Variants in VAPB observed in about 807,000 individuals in gnomAD.
The protein encoded by VAPB is VAMP associated protein B and C.
Under a neutral mutation model 25.6 loss-of-function variants are expected in VAPB, and 7 were observed. The observed-to-expected ratio is 0.27, with a 90% CI of 0.16 to 0.51. VAPB has a LOEUF of 0.51. VAPB is among the 20% of genes least tolerant of loss of function. The pLI is 0.97. For missense variants in VAPB, 266 were observed against 301.3 expected (o/e 0.88, Z 0.87); for synonymous variants, 112 against 109.2 (o/e 1.03, Z -0.16).
At chr20:58,405,576 C>A (rs1988206618) in intron 1 of VAPB, among the ~76,000 whole-genome samples, 1 of 151,374 alleles carries the variant, frequency 6.6e-6, no homozygotes, top group Admixed American at 6.6e-5. Flanking sequence ...AATTCTCTTG[C>A]CTCAGCCTCC....
chr20:58,413,718 G>T (rs1352466360), intron 1 of VAPB, among the ~76,000 whole-genome samples: 3 of 151,882 alleles, frequency 2.0e-5, no homozygotes, highest in African/African-American at 7.2e-5. Flanking sequence ...CCCAGTAGGG[G>T]CGGCCGGGCA....
Position 58,389,309 on chromosome 20 carries a change from C to CA in VAPB, c.-151_-150insA, listed in dbSNP as rs1437762501. The CA allele has an allele frequency of 2.8e-6, 2 of 716,222 alleles. No homozygotes were observed. The highest frequency in any genetic ancestry group is 4.8e-6 in the Non-Finnish European group (2 of 420,732). 44.4% of individuals were successfully genotyped at this position (716,222 alleles called of 1,614,324 possible). On this transcript the variant is annotated 5_prime_UTR_variant, in exon 1 of 6. Transcript: ENST00000475243. ...CCTGCACCGCGTAGACCGACCCCCCCCCAGCGCGCCCACCCGGTAGAGGAC... is the reference window on the plus strand; with the variant it reads ...CCTGCACCGCGTAGACCGACCCCCCCACCAGCGCGCCCACCCGGTAGAGGAC...
chr20:58,389,653 C>A, intron 1 of VAPB, 136 bp downstream of exon 1: 2 of 962,358 alleles, frequency 2.1e-6, no homozygotes, highest in Non-Finnish European at 2.8e-6. Flanking sequence ...CGAGGCCGGG[C>A]CGGGCCTTGG....
intron 2 of VAPB, among the ~76,000 whole-genome samples, chr20:58,421,282 AT>A (rs1988661458): frequency 6.6e-6 from 1 of 152,234 alleles, no homozygotes; most frequent in African/African-American, 2.4e-5. Context: ...AGAGTGGTAC[AT>A]TTGTACGTTC....
At chr20:58,438,816 A>G (rs984211968) in intron 3 of VAPB, 129 bp from the exon 4 acceptor site, 1 of 734,618 alleles carries the variant, frequency 1.4e-6, no homozygotes. Flanking sequence ...AGCAGACTTC[A>G]GTTCTTTATT....
At chr20:58,392,065 A>G (rs986535667) in intron 1 of VAPB, among the ~76,000 whole-genome samples, 16 of 152,184 alleles carry the variant, frequency 1.1e-4, no homozygotes, top group Non-Finnish European at 4.4e-5. Flanking sequence ...GGAAAGAGGC[A>G]CTCATTTGAG....
chr20:58,423,414 CA>C (rs59133081), intron 2 of VAPB, among the ~76,000 whole-genome samples: 409 of 34,606 alleles, frequency 0.012, no homozygotes, highest in East Asian at 0.017. Context: ...CTCCATCTCA[CA>C]AAAAAAAAAA....
At chr20:58,408,139 T>A (rs1281337195) in intron 1 of VAPB, among the ~76,000 whole-genome samples, 1 of 152,232 alleles carries the variant, frequency 6.6e-6, no homozygotes, top group African/African-American at 2.4e-5. Context: ...GTATAGTCTA[T>A]TTCAATCAAG....
chr20:58,444,447 T>TTTAAAA lies in VAPB; in HGVS notation c.*212_*213insTTAAAA. The TTTAAAA allele has an allele frequency of 1.6e-6, 1 of 636,184 alleles. No homozygotes were observed. Among genetic ancestry groups the TTTAAAA allele is most frequent in the Non-Finnish European group, 2.9e-6 (1 of 346,714 alleles). 39.4% of individuals were successfully genotyped at this position (636,184 alleles called of 1,614,324 possible). A position where few individuals can be genotyped will look rare whatever the true frequency, so the allele number is the denominator to read the frequency against. The stretch of plus-strand genomic sequence containing the variant: ...TAGAAAGTTAAAAATGTATAGTAAC[T>TTTAAAA]GATTGAGGGGGAAAAGAATGATCTT... On this transcript the variant is annotated 3_prime_UTR_variant, in exon 6 of 6. Transcript: ENST00000475243.
At chr20:58,436,992 C>CTTTTTTTTTTTTTT (rs34944837) in intron 3 of VAPB, among the ~76,000 whole-genome samples, 6 of 77,432 alleles carry the variant, frequency 7.7e-5, no homozygotes, top group Non-Finnish European at 6.9e-5. Context: ...AAACTTTGAA[C>CTTTTTTTTTTTTTT]TTTTTTTTTT....
chr20:58,448,419 A>G lies in VAPB; in HGVS notation c.*4184A>G, dbSNP rs1185400214. 4 of 454,130 alleles carry G rather than the reference A, an allele frequency of 8.8e-6. No homozygotes were observed. Among genetic ancestry groups the G allele is most frequent in the African/African-American group, 2.0e-5 (1 of 50,136 alleles). The allele number at this position is 454,130 out of a possible 1,614,324, so 28.1% of individuals were successfully genotyped here. A position where few individuals can be genotyped will look rare whatever the true frequency, so the allele number is the denominator to read the frequency against. ...TGTTTCAATGCCACTCCTTACCTGT[A>G]TAGAACATTTCCAATACATTCGCTC... is the stretch of plus-strand genomic sequence containing the variant. On this transcript the variant is annotated 3_prime_UTR_variant, in exon 6 of 6. Coordinates refer to ENST00000475243, the MANE Select transcript of VAPB (RefSeq NM_004738.5).
chr20:58,419,465 AT>A (rs2123060847), intron 2 of VAPB, among the ~76,000 whole-genome samples: 1 of 152,288 alleles, frequency 6.6e-6, no homozygotes, highest in Non-Finnish European at 1.5e-5. Flanking sequence ...GCCAGCATTG[AT>A]TGAGGGGCTT....
At chr20:58,441,625 G>C (rs1459828473) in intron 5 of VAPB, among the ~76,000 whole-genome samples, 4 of 152,228 alleles carry the variant, frequency 2.6e-5, no homozygotes, top group Admixed American at 6.5e-5. Context: ...CTGGGTGACA[G>C]AGCTAGACTT....
chr20:58,400,699 C>T (rs1428460161), intron 1 of VAPB, among the ~76,000 whole-genome samples: 1 of 152,194 alleles, frequency 6.6e-6, no homozygotes, highest in East Asian at 1.9e-4. Flanking sequence ...AAGAAGGATA[C>T]AACCCTGGAT....
intron 1 of VAPB, among the ~76,000 whole-genome samples, chr20:58,411,051 G>C (rs913862564): frequency 6.6e-6 from 1 of 152,208 alleles, no homozygotes; most frequent in African/African-American, 2.4e-5. Context: ...ACCAAGGAGG[G>C]TGATTGCTGG....
chr20:58,409,904 T>TATACACACACAC (rs1555811895), intron 1 of VAPB, among the ~76,000 whole-genome samples: 2 of 148,226 alleles, frequency 1.3e-5, no homozygotes, highest in East Asian at 2.0e-4. Flanking sequence ...TTTATTCATA[T>TATACACACACAC]ACACACACAC....
At chr20:58,397,773 C>T (rs1394569945) in intron 1 of VAPB, among the ~76,000 whole-genome samples, 1 of 152,144 alleles carries the variant, frequency 6.6e-6, no homozygotes, top group Non-Finnish European at 1.5e-5. Flanking sequence ...TCCTGACCAG[C>T]CATTGCCTTG....
At chr20:58,431,209 T>C (rs1263689540) in intron 2 of VAPB, 2 of 152,252 alleles carry the variant, frequency 1.3e-5, no homozygotes, top group Non-Finnish European at 2.9e-5. Flanking sequence ...TTTTGTGATA[T>C]CATGCATGGA....
intron 1 of VAPB, among the ~76,000 whole-genome samples, chr20:58,391,341 G>A (rs534710419): frequency 6.6e-5 from 10 of 152,300 alleles, no homozygotes; most frequent in African/African-American, 2.4e-4. Flanking sequence ...GGACAATGAT[G>A]TAGGGTAGTC....
Sources: gnomAD v4.1 joint callset for allele counts (sites outside exome capture counted in the v4.1 genomes callset) on GRCh38, gnomAD v4.1.1 for gene constraint, MANE v1.5 for transcripts, NCBI Gene and HGNC (gene_info 2026-07-23, HGNC 2026-07-21) for gene names.